The following PIEZO2 variants were observed in gnomAD, a reference collection of about 807,000 sequenced individuals.
PIEZO2 encodes the protein piezo-type mechanosensitive ion channel component 2.
PIEZO2 carries 172 observed loss-of-function variants against 337.3 expected under a neutral mutation model. The observed-to-expected ratio is 0.51, with a 90% CI of 0.45 to 0.58. The LOEUF is 0.58. Among genes scored for constraint, PIEZO2 ranks in the 20% least tolerant of loss-of-function variants. The pLI is 0.00. For missense variants in PIEZO2, 3,028 were observed against 3,391.3 expected, an observed-to-expected ratio of 0.89 and a Z score of 2.66; for synonymous variants, 1,251 against 1,228.5, an observed-to-expected ratio of 1.02 and a Z score of -0.38.
At chr18:11,024,003 G>C (rs2036429672) in intron 2 of PIEZO2, among the ~76,000 whole-genome samples, 1 of 152,152 alleles carries the variant, frequency 6.6e-6, no homozygotes, top group South Asian at 2.1e-4. Flanking sequence ...CCCACGCGCA[G>C]CCCCAGTTCC....
At position 11,066,193 on chromosome 18, in the gene PIEZO2, A is replaced by T. The variant is rs748116550; in HGVS notation, c.94T>A (p.Phe32Ile). The change falls in exon 2 of 56, where the codon TTT becomes ATT. Residue 32 changes from phenylalanine to isoleucine, a missense_variant. Around this residue, in one of 5 missense-constraint regions of PIEZO2, gnomAD observed 542 missense variants for 605.6 expected, o/e 0.89. Coordinates refer to ENST00000674853, the MANE Select transcript of PIEZO2 (RefSeq NM_001378183.1). ...ACAFRYNGLS[F>I]VYLIYLLLIP... The stretch of plus-strand genomic sequence containing the variant: ...AGCAAGAGGTAGATAAGGTAGACAA[A>T]GGAGAGCCCATTGTATCGGAATGCA... The T allele has an allele frequency of 1.3e-6, 2 of 1,536,898 alleles. No homozygotes were observed. The highest frequency in any genetic ancestry group is 1.4e-5 in the African/African-American group (1 of 73,052).
intron 3 of PIEZO2, among the ~76,000 whole-genome samples, chr18:10,927,479 G>A (rs2031816731): frequency 6.6e-6 from 1 of 152,144 alleles, no homozygotes; most frequent in Non-Finnish European, 1.5e-5. Context: ...TGACAGCCAA[G>A]CCTTTTCTTC....
chr18:10,704,838 C>G (rs1337602090), intron 41 of PIEZO2, among the ~76,000 whole-genome samples, 186 bp from the exon 42 acceptor site: 1 of 152,104 alleles, frequency 6.6e-6, no homozygotes, highest in Non-Finnish European at 1.5e-5. Context: ...GTGCCTGCCA[C>G]CACACCCAGC....
rs948765457 is a variant in PIEZO2 at position 10,842,028 on chromosome 18, C to A, written c.917+13325G>T. 2.6e-5 allele frequency among the ~76,000 whole-genome samples: 4 copies of A among 151,900 alleles called. No homozygotes were observed. The South Asian group carries it at 8.3e-4, about 32-fold the overall frequency. On this transcript the variant is annotated intron_variant, in intron 7 of 55. Transcript: ENST00000674853. Reference sequence around the variant, plus strand: ...AAAATTAGCTGGGCATGGCGGTGTGCGCCTGTAGTCCCAGGTACTCTGAGG... The same window carrying A: ...AAAATTAGCTGGGCATGGCGGTGTGAGCCTGTAGTCCCAGGTACTCTGAGG...
intron 2 of PIEZO2, among the ~76,000 whole-genome samples, chr18:10,989,065 C>G (rs964397518): frequency 1.3e-5 from 2 of 151,806 alleles, no homozygotes; most frequent in African/African-American, 4.8e-5. Context: ...AAAATTGCTA[C>G]AAGGGAAGAT....
At chr18:10,835,409 G>T (rs2144568253) in intron 7 of PIEZO2, among the ~76,000 whole-genome samples, 1 of 152,192 alleles carries the variant, frequency 6.6e-6, no homozygotes, top group South Asian at 2.1e-4. Flanking sequence ...TGTAAAGACA[G>T]AGAAACTTTC....
At position 10,927,062 on chromosome 18, in the gene PIEZO2, T is replaced by C. The variant is rs79027076; in HGVS notation, c.287-15834A>G. Among the ~76,000 whole-genome samples the C allele has an allele frequency of 9.7e-3, 1,479 of 152,304 alleles. 22 individuals carry two copies. Among genetic ancestry groups the C allele is most frequent in the African/African-American group, 0.034 (1,398 of 41,574 alleles). ...ACAAGGACCAAGGAGGAGCCTTGCG[T>C]TTCTGACCTGGGTCACACGCGGGAG... is the stretch of plus-strand genomic sequence containing the variant. On this transcript the variant is annotated intron_variant, in intron 3 of 55. Coordinates refer to ENST00000674853, the MANE Select transcript of PIEZO2 (RefSeq NM_001378183.1).
In PIEZO2 at chr18:10,855,586, T is replaced by C. The variant is rs1483804794; in HGVS notation, c.704-20A>G. On this transcript the variant is annotated intron_variant, in intron 6 of 55. Transcript: ENST00000674853. This position sits in a 1 kb window ranked among gnomAD's most constrained non-coding sequence, Gnocchi z 4.9. Reference sequence around the variant, plus strand: ...TCATGCCTAAGGAAGAGAAACGTAATCACAAAGTCAGGTAGAACTGGAAAT... The same window carrying C: ...TCATGCCTAAGGAAGAGAAACGTAACCACAAAGTCAGGTAGAACTGGAAAT... 3 of 1,505,000 alleles carry C rather than the reference T, an allele frequency of 2.0e-6. No individual in the cohort carries two copies. The highest frequency in any genetic ancestry group is 2.7e-6 in the Non-Finnish European group (3 of 1,119,166). 93.2% of individuals were successfully genotyped at this position (1,505,000 alleles called of 1,614,324 possible). A position where few individuals can be genotyped will look rare whatever the true frequency, so the allele number is the denominator to read the frequency against.
At chr18:10,992,660 G>A (rs184114774) in intron 2 of PIEZO2, among the ~76,000 whole-genome samples, 105 of 152,252 alleles carry the variant, frequency 6.9e-4, no homozygotes, top group Middle Eastern at 3.4e-3. Flanking sequence ...GTCAGGTACC[G>A]TGATGCCTCC....
intron 1 of PIEZO2, among the ~76,000 whole-genome samples, chr18:11,076,991 C>G (rs1394773527): frequency 6.6e-6 from 1 of 152,224 alleles, no homozygotes; most frequent in Non-Finnish European, 1.5e-5. Flanking sequence ...ATAATTGTCT[C>G]TGATCTGACA....
chr18:10,946,973 C>T (rs1195898984), intron 3 of PIEZO2, among the ~76,000 whole-genome samples: 1 of 151,508 alleles, frequency 6.6e-6, no homozygotes, highest in East Asian at 1.9e-4. Flanking sequence ...TATGAATTAT[C>T]TTAAAACAAA....
At position 11,126,095 on chromosome 18, in the gene PIEZO2, G is replaced by A. The variant is rs190900562; in HGVS notation, c.64+22430C>T. On this transcript the variant is annotated intron_variant, in intron 1 of 55. Transcript: ENST00000674853. This position sits in a 1 kb window ranked among gnomAD's most constrained non-coding sequence, Gnocchi z 4.6. ...AGACCTGCATTACAAGTAGAACAGC[G>A]GGCAGTTCTGTCCATGCCCACCAGA... is the stretch of plus-strand genomic sequence containing the variant. 3.9e-5 allele frequency among the ~76,000 whole-genome samples: 6 copies of A among 152,238 alleles called. No individual in the cohort carries two copies. The highest frequency in any genetic ancestry group is 6.8e-3 in the Middle Eastern group (2 of 292).
At chr18:10,686,616 C>G (rs755036321) in intron 49 of PIEZO2, among the ~76,000 whole-genome samples, 1 of 152,140 alleles carries the variant, frequency 6.6e-6, no homozygotes, top group Non-Finnish European at 1.5e-5. Context: ...CTGAGCTTGC[C>G]ATCACAGAGC....
At chr18:11,108,969 T>C (rs2039653434) in intron 1 of PIEZO2, among the ~76,000 whole-genome samples, 2 of 152,218 alleles carry the variant, frequency 1.3e-5, no homozygotes, top group South Asian at 4.1e-4. Context: ...AACAAAGTTA[T>C]CTTTCCTTGG....
At chr18:11,103,949 C>T (rs1451485380) in intron 1 of PIEZO2, among the ~76,000 whole-genome samples, 1 of 152,106 alleles carries the variant, frequency 6.6e-6, no homozygotes, top group African/African-American at 2.4e-5. Flanking sequence ...CCTCAGCCTC[C>T]CGAGTAGCTG....
chr18:10,703,288 G>A (rs1244408837), intron 42 of PIEZO2, among the ~76,000 whole-genome samples: 2 of 152,138 alleles, frequency 1.3e-5, no homozygotes, highest in Non-Finnish European at 2.9e-5. Context: ...CCCTAAACAG[G>A]CAGTCATTTA....
chr18:10,931,218 C>T (rs966009919), intron 3 of PIEZO2, among the ~76,000 whole-genome samples: 27 of 151,914 alleles, frequency 1.8e-4, no homozygotes, highest in East Asian at 1.9e-4. Context: ...TATTCTGAGA[C>T]GGAGTCTCGC....
intron 44 of PIEZO2, among the ~76,000 whole-genome samples, chr18:10,698,459 A>G (rs1382961415): frequency 6.6e-6 from 1 of 152,252 alleles, no homozygotes; most frequent in African/African-American, 2.4e-5. Flanking sequence ...TGTGAGGCAT[A>G]TCTACTTTCT....
At chr18:10,721,514 C>T (rs1195845781) in intron 36 of PIEZO2, among the ~76,000 whole-genome samples, 1 of 150,090 alleles carries the variant, frequency 6.7e-6, no homozygotes, top group Non-Finnish European at 1.5e-5. Context: ...GACCAAAGAA[C>T]AAATTTTTGT....
Sources: allele counts gnomAD v4.1 joint callset (sites outside exome capture counted in the v4.1 genomes callset), GRCh38; gene constraint gnomAD v4.1.1; regional missense constraint gnomAD v4.1.1; non-coding constraint Gnocchi (gnomAD v3.1); transcripts MANE v1.5; gene names NCBI Gene and HGNC (gene_info 2026-07-23, HGNC 2026-07-21).